Variants in TTI1 observed in about 807,000 individuals in gnomAD.
TTI1 encodes the protein TELO2 interacting protein 1, also known as TELO2-interacting protein 1 homolog.
In TTI1, 52 loss-of-function variants were observed where a neutral mutation model predicts 85.4. The observed-to-expected ratio is 0.61, with a 90% CI of 0.49 to 0.77. The LOEUF is 0.77. TTI1 is among the 30% of genes least tolerant of loss of function. The pLI, the probability that TTI1 is intolerant of heterozygous loss-of-function variation, is 0.00. For missense variants in TTI1, 1,173 were observed against 1,296.0 expected, an observed-to-expected ratio of 0.91 and a Z score of 1.46; for synonymous variants, 512 against 503.9, an observed-to-expected ratio of 1.02 and a Z score of -0.22.
In TTI1 at chr20:38,013,611, C is replaced by T. The variant is rs777600107; in HGVS notation, c.206G>A (p.Arg69His). 16 of 1,614,076 alleles carry T rather than the reference C, an allele frequency of 9.9e-6. No individual in the cohort carries two copies. Among genetic ancestry groups the T allele is most frequent in the Admixed American group, 1.7e-5 (1 of 60,006 alleles). ...TLKTPGPKRE[R>H]LIQSVVECLT... ...GCATTCCACCACACTTTGGATCAAA[C>T]GCTCTCTTTTGGGACCTGGGGTCTT... is the stretch of plus-strand genomic sequence containing the variant. Residue 69 changes from arginine to histidine, a missense_variant, in exon 2 of 8, where the codon CGT becomes CAT. By Grantham distance (29) the Arg-to-His change is conservative. Transcript: ENST00000373447.
intron 1 of TTI1, among the ~76,000 whole-genome samples, chr20:38,029,370 C>T (rs571788878): frequency 1.3e-5 from 2 of 151,412 alleles, no homozygotes; most frequent in Non-Finnish European, 2.9e-5. Flanking sequence ...AAGTCTCAAA[C>T]GAAAAAGGTA....
intron 1 of TTI1, among the ~76,000 whole-genome samples, chr20:38,015,800 G>A (rs1005775898): frequency 6.6e-6 from 1 of 152,144 alleles, no homozygotes; most frequent in Non-Finnish European, 1.5e-5. Context: ...TAGATCAAGT[G>A]GACCTGTCTT....
At chr20:37,992,244 T>A (rs2073274677) in intron 7 of TTI1, among the ~76,000 whole-genome samples, 2 of 152,106 alleles carry the variant, frequency 1.3e-5, no homozygotes, top group Non-Finnish European at 2.9e-5. Flanking sequence ...GCTTTATTTT[T>A]CTATTATGAG....
intron 3 of TTI1, among the ~76,000 whole-genome samples, chr20:38,003,246 A>T (rs528365974): frequency 6.6e-6 from 1 of 152,278 alleles, no homozygotes; most frequent in African/African-American, 2.4e-5. Context: ...TACAGGTATG[A>T]GCCACTACAC....
intron 1 of TTI1, among the ~76,000 whole-genome samples, chr20:38,019,549 G>C (rs550928340): frequency 6.7e-4 from 102 of 151,832 alleles, no homozygotes; most frequent in African/African-American, 2.4e-3. Context: ...AATTGTAAAA[G>C]AATAGCTACC....
intron 7 of TTI1, among the ~76,000 whole-genome samples, chr20:37,994,051 A>G (rs193032458): frequency 5.9e-5 from 9 of 152,278 alleles, no homozygotes; most frequent in Middle Eastern, 3.4e-3. Context: ...GTGTGAAGGA[A>G]AGAGAAGAAT....
intron 4 of TTI1, among the ~76,000 whole-genome samples, chr20:38,000,906 G>A (rs1463549844): frequency 2.0e-5 from 3 of 152,160 alleles, no homozygotes; most frequent in African/African-American, 7.2e-5. Context: ...ACCTCAGAGA[G>A]GCCTTCCCCG....
chr20:37,989,323 C>A (rs924183952), intron 7 of TTI1, among the ~76,000 whole-genome samples: 24 of 152,130 alleles, frequency 1.6e-4, no homozygotes, highest in African/African-American at 5.3e-4. Flanking sequence ...GCAACATGGG[C>A]AGGACTTAAA....
At chr20:38,002,859 C>T in intron 3 of TTI1, 83 bp from the exon 4 acceptor site, 1 of 1,576,232 alleles carries the variant, frequency 6.3e-7, no homozygotes, top group Non-Finnish European at 8.7e-7. Flanking sequence ...ATAAATTACT[C>T]AGTCTTAGGT....
At chr20:38,006,434 TAAC>T (rs758575661) in intron 2 of TTI1, 37 bp from the exon 3 acceptor site, 1 of 1,609,228 alleles carries the variant, frequency 6.2e-7, no homozygotes, top group Non-Finnish European at 8.5e-7. Flanking sequence ...CCTTGGCTAT[TAAC>T]AACAGGCATG....
chr20:38,020,320 AAAAAT>A (rs1303455351), intron 1 of TTI1, among the ~76,000 whole-genome samples: 63 of 80,256 alleles, frequency 7.8e-4, no homozygotes, highest in African/African-American at 3.1e-3. Context: ...GAAAAAAAAA[AAAAAT>A]ATATATATAT....
intron 5 of TTI1, among the ~76,000 whole-genome samples, 158 bp from the exon 6 acceptor site, chr20:37,997,111 C>T (rs1036266927): frequency 6.6e-6 from 1 of 151,944 alleles, no homozygotes; most frequent in Non-Finnish European, 1.5e-5. Flanking sequence ...GTGATTCTGA[C>T]AGTTATGAAT....
At chr20:37,986,052 A>C (rs1387965813) in intron 7 of TTI1, among the ~76,000 whole-genome samples, 1 of 152,184 alleles carries the variant, frequency 6.6e-6, no homozygotes, top group Non-Finnish European at 1.5e-5. Flanking sequence ...TTATGAAAAA[A>C]CGCACCAAAA....
At chr20:38,002,972 A>G (rs969248219) in intron 3 of TTI1, among the ~76,000 whole-genome samples, 196 bp from the exon 4 acceptor site, 6 of 151,864 alleles carry the variant, frequency 4.0e-5, no homozygotes, top group Non-Finnish European at 7.4e-5. Context: ...TGAGGTCCCT[A>G]TTTTTTTTAG....
intron 1 of TTI1, among the ~76,000 whole-genome samples, chr20:38,028,489 T>C (rs2073863380): frequency 6.6e-6 from 1 of 152,194 alleles, no homozygotes; most frequent in Non-Finnish European, 1.5e-5. Flanking sequence ...TCTTAAAATG[T>C]ATATGCTGTA....
At chr20:38,009,517 T>TA (rs201216533) in intron 2 of TTI1, among the ~76,000 whole-genome samples, 129 of 152,094 alleles carry the variant, frequency 8.5e-4, no homozygotes, top group African/African-American at 2.3e-3. Context: ...TTTATTTATT[T>TA]TTTTTTTTGA....
At chr20:37,993,553 C>A (rs1209377517) in intron 7 of TTI1, among the ~76,000 whole-genome samples, 2 of 152,174 alleles carry the variant, frequency 1.3e-5, no homozygotes, top group Non-Finnish European at 2.9e-5. Context: ...GATGAAGGCG[C>A]CCCTTGGAGG....
intron 1 of TTI1, among the ~76,000 whole-genome samples, chr20:38,029,434 AAAT>A (rs2122657123): frequency 6.6e-6 from 1 of 152,144 alleles, no homozygotes; most frequent in African/African-American, 2.4e-5. Context: ...CAAGCAGAAG[AAAT>A]AATAAGGAGC....
chr20:38,001,777 G>A (rs754397276), intron 4 of TTI1, among the ~76,000 whole-genome samples: 7 of 152,048 alleles, frequency 4.6e-5, no homozygotes, highest in Non-Finnish European at 5.9e-5. Flanking sequence ...GGAGTGCAAT[G>A]GCACGATCTT....
Sources: gnomAD v4.1 joint callset for allele counts (sites outside exome capture counted in the v4.1 genomes callset) on GRCh38, gnomAD v4.1.1 for gene constraint, MANE v1.5 for transcripts, NCBI Gene and HGNC (gene_info 2026-07-23, HGNC 2026-07-21) for gene names.